Variants in IQGAP1 observed in about 807,000 individuals in gnomAD.
IQGAP1 encodes the protein ras GTPase-activating-like protein IQGAP1.
In IQGAP1, 66 loss-of-function variants were observed where a neutral mutation model predicts 215.6. That is an observed-to-expected ratio of 0.31 (90% CI 0.25 to 0.38). The LOEUF (loss-of-function observed/expected upper bound fraction) is 0.38. Among genes scored for constraint, IQGAP1 ranks in the 10% least tolerant of loss-of-function variants. IQGAP1 has a pLI of 1.00. For missense variants in IQGAP1, 1,712 were observed against 1,997.1 expected (o/e 0.86, Z 2.72); for synonymous variants, 772 against 728.7 (o/e 1.06, Z -0.96).
intron 19 of IQGAP1, 197 bp downstream of exon 19, chr15:90,473,207 G>T: frequency 1.8e-6 from 1 of 554,964 alleles, no homozygotes; most frequent in Non-Finnish European, 3.2e-6. Context: ...TGGCACAGTG[G>T]CAGTTCTTGG....
At chr15:90,391,863 C>G (rs575606778) in intron 2 of IQGAP1, 1 of 152,136 alleles carries the variant, frequency 6.6e-6, no homozygotes, top group South Asian at 2.1e-4. Flanking sequence ...GTGGAAAAGT[C>G]AAGTGAGGGA....
At chr15:90,493,182 G>GCA (rs779921458) in intron 35 of IQGAP1, among the ~76,000 whole-genome samples, 8 of 151,906 alleles carry the variant, frequency 5.3e-5, no homozygotes, top group Non-Finnish European at 1.2e-4. Context: ...GATGGAGGTT[G>GCA]CAGTGAGCCA....
At chr15:90,390,354 T>A (rs1964618536) in intron 1 of IQGAP1, among the ~76,000 whole-genome samples, 1 of 152,008 alleles carries the variant, frequency 6.6e-6, no homozygotes, top group Admixed American at 6.6e-5. Context: ...TGTTGTGGGG[T>A]TTCAATGAGA....
chr15:90,416,743 A>T (rs1282351960), intron 2 of IQGAP1, among the ~76,000 whole-genome samples: 1 of 151,948 alleles, frequency 6.6e-6, no homozygotes, highest in Admixed American at 6.6e-5. Context: ...ACGCCCAGCT[A>T]ATTTTTTGTA....
chr15:90,478,318 GCTTT>G (rs1474590235), intron 26 of IQGAP1, among the ~76,000 whole-genome samples: 2 of 152,142 alleles, frequency 1.3e-5, no homozygotes, highest in African/African-American at 2.4e-5. Flanking sequence ...AGAAAACTGT[GCTTT>G]CTAAGTTGTT....
rs777996095 is a variant in IQGAP1, at chr15:90,492,694, C to T, written c.4611C>T (p.Asn1537=). 1.2e-6 allele frequency: 2 copies of T among 1,610,394 alleles called. No homozygotes were observed. Among genetic ancestry groups the T allele is most frequent in the Non-Finnish European group, 8.5e-7 (1 of 1,178,994 alleles). The change falls in exon 35 of 38, where the codon AAC becomes AAT. Residue 1537 remains asparagine (N), a synonymous_variant. Transcript: ENST00000268182. ...YKSYIKTCLD[N]LASKGKVSKK... ...GCTATATCAAAACCTGCTTGGATAACTTAGCCAGCAAGGGCAAGTGAGTAT... is the reference window on the plus strand; with the variant it reads ...GCTATATCAAAACCTGCTTGGATAATTTAGCCAGCAAGGGCAAGTGAGTAT...
At chr15:90,465,674 TTTGTTTGTTTG>T (rs1567135384) in intron 15 of IQGAP1, among the ~76,000 whole-genome samples, 11 of 142,264 alleles carry the variant, frequency 7.7e-5, no homozygotes, top group African/African-American at 2.1e-4. Context: ...CCAAGCTATG[TTTGTTTGTTTG>T]TTTGTTTGTT....
At chr15:90,482,819 T>G in intron 28 of IQGAP1, 1 of 627,610 alleles carries the variant, frequency 1.6e-6, no homozygotes, top group Non-Finnish European at 2.0e-6. Flanking sequence ...AATTCTTCTG[T>G]GGAAGAGATG....
In IQGAP1 at chr15:90,395,360, G is replaced by A. The variant is rs546201508; in HGVS notation, c.155+4487G>A. 6.0e-5 allele frequency among the ~76,000 whole-genome samples: 9 copies of A among 150,986 alleles called. No homozygotes were observed. In the East Asian group the frequency reaches 1.2e-3, roughly 20 times the overall value. ...TTTTGAAACGGAGTCTCGCTCTGTCGCCCGGGCCAGAGTGCAATGACGCTA... is the reference window on the plus strand; with the variant it reads ...TTTTGAAACGGAGTCTCGCTCTGTCACCCGGGCCAGAGTGCAATGACGCTA... On this transcript the variant is annotated intron_variant, in intron 2 of 37. Coordinates refer to ENST00000268182, the MANE Select transcript of IQGAP1 (RefSeq NM_003870.4).
intron 15 of IQGAP1, among the ~76,000 whole-genome samples, chr15:90,459,790 T>C (rs923680627): frequency 1.3e-5 from 2 of 152,212 alleles, no homozygotes; most frequent in African/African-American, 4.8e-5. Context: ...TTTAAAAATA[T>C]TTATCACTGA....
At chr15:90,463,614 A>G (rs1304037024) in intron 15 of IQGAP1, among the ~76,000 whole-genome samples, 1 of 152,144 alleles carries the variant, frequency 6.6e-6, no homozygotes, top group Non-Finnish European at 1.5e-5. Flanking sequence ...ATTTTCAGTA[A>G]TAGAAAGCGA....
intron 5 of IQGAP1, among the ~76,000 whole-genome samples, chr15:90,434,379 A>G (rs759925314): frequency 6.6e-6 from 1 of 152,106 alleles, no homozygotes; most frequent in Non-Finnish European, 1.5e-5. Flanking sequence ...CAGAGGTTGC[A>G]GTGAGCCAAG....
At chr15:90,468,826 G>A (rs961660121) in intron 18 of IQGAP1, among the ~76,000 whole-genome samples, 2 of 151,958 alleles carry the variant, frequency 1.3e-5, no homozygotes, top group Middle Eastern at 3.2e-3. Flanking sequence ...GCAAGACCCT[G>A]TCTCAAAAAA....
At chr15:90,438,474 T>G (rs1965400846) in intron 5 of IQGAP1, among the ~76,000 whole-genome samples, 1 of 152,102 alleles carries the variant, frequency 6.6e-6, no homozygotes, top group African/African-American at 2.4e-5. Flanking sequence ...TTTTTTAAGT[T>G]TAAAAAGTAA....
intron 2 of IQGAP1, among the ~76,000 whole-genome samples, chr15:90,401,534 C>A (rs893891064): frequency 1.3e-5 from 2 of 152,180 alleles, no homozygotes; most frequent in East Asian, 3.8e-4. Flanking sequence ...ATTCCCCTTG[C>A]CTCTCCCCCT....
At chr15:90,499,696 CAT>C (rs1249656046) in intron 37 of IQGAP1, among the ~76,000 whole-genome samples, 3 of 152,174 alleles carry the variant, frequency 2.0e-5, no homozygotes, top group Non-Finnish European at 1.5e-5. Context: ...GGCAATTGAA[CAT>C]GTTTCTTTTT....
intron 22 of IQGAP1, 161 bp from the exon 23 acceptor site, chr15:90,474,324 A>G (rs1965948414): frequency 5.3e-6 from 4 of 752,664 alleles, no homozygotes; most frequent in Non-Finnish European, 8.8e-6. Context: ...CTTTATCATA[A>G]CATAGCAATA....
intron 3 of IQGAP1, among the ~76,000 whole-genome samples, chr15:90,428,248 A>C (rs1965253547): frequency 6.6e-6 from 1 of 151,822 alleles, no homozygotes; most frequent in Non-Finnish European, 1.5e-5. Context: ...AATTTAAACA[A>C]ATTTTAGTGT....
chr15:90,428,183 C>T (rs1965252640), intron 3 of IQGAP1, among the ~76,000 whole-genome samples: 1 of 152,042 alleles, frequency 6.6e-6, no homozygotes, highest in Non-Finnish European at 1.5e-5. Flanking sequence ...AGCAATCCTC[C>T]CACCTCAGCC....
Sources: allele counts gnomAD v4.1 joint callset (sites outside exome capture counted in the v4.1 genomes callset), GRCh38; gene constraint gnomAD v4.1.1; transcripts MANE v1.5; gene names NCBI Gene and HGNC (gene_info 2026-07-23, HGNC 2026-07-21).